SNTG1: variants seen among roughly 807,000 people sequenced by gnomAD.
SNTG1 encodes syntrophin gamma 1.
A neutral mutation model predicts 74.7 loss-of-function variants in SNTG1; 39 were observed. The ratio of observed to expected loss-of-function variants is 0.52; its 90% CI spans 0.40 to 0.68. The LOEUF is 0.68. Among genes scored for constraint, SNTG1 ranks in the 30% least tolerant of loss-of-function variants. SNTG1 has a pLI of 0.00. For synonymous variants in SNTG1, 254 were observed against 217.1 expected (o/e 1.17, Z -1.49); for missense variants, 685 against 609.5 (o/e 1.12, Z -1.30).
chr8:50,590,963 A>G lies in SNTG1; in HGVS notation c.849+46A>G, dbSNP rs749496402. ...GAAAGCTAAATAATATATTTCTTTAATTTTATTGATTATAGAAGATAACGT... is the reference window on the plus strand; with the variant it reads ...GAAAGCTAAATAATATATTTCTTTAGTTTTATTGATTATAGAAGATAACGT... On this transcript the variant is annotated intron_variant, in intron 13 of 18. Transcript: ENST00000642720. The G allele has an allele frequency of 3.7e-6, 5 of 1,334,652 alleles. No individual in the cohort carries two copies. The Admixed American group carries it at 9.5e-5, about 25-fold the overall frequency. The allele number at this position is 1,334,652 out of a possible 1,614,324, so 82.7% of individuals were successfully genotyped here.
chr8:50,500,931 A>T (rs901591036), intron 8 of SNTG1, among the ~76,000 whole-genome samples: 1 of 152,090 alleles, frequency 6.6e-6, no homozygotes, highest in African/African-American at 2.4e-5. Context: ...GGTACTCTCC[A>T]CTAGGATGGT....
chr8:50,641,542 TA>T (rs2095073111), intron 13 of SNTG1, among the ~76,000 whole-genome samples: 2 of 152,204 alleles, frequency 1.3e-5, no homozygotes, highest in Non-Finnish European at 2.9e-5. Flanking sequence ...AGAGCCTATT[TA>T]AAAGACAGGC....
intron 9 of SNTG1, among the ~76,000 whole-genome samples, chr8:50,518,595 G>C (rs1358287188): frequency 6.6e-6 from 1 of 151,982 alleles, no homozygotes; most frequent in Non-Finnish European, 1.5e-5. Context: ...GAATCAAATA[G>C]ACACAGTAAA....
chr8:50,734,310 G>T (rs914605835), intron 17 of SNTG1, among the ~76,000 whole-genome samples: 1 of 151,636 alleles, frequency 6.6e-6, no homozygotes, highest in African/African-American at 2.4e-5. Flanking sequence ...TATAGAGACT[G>T]ACATCTTCAG....
chr8:50,352,580 G>A (rs1226722693), intron 2 of SNTG1, among the ~76,000 whole-genome samples: 6 of 151,858 alleles, frequency 4.0e-5, no homozygotes, highest in African/African-American at 4.8e-5. Context: ...TAGTAGAGGC[G>A]GGTTTTCACC....
intron 2 of SNTG1, among the ~76,000 whole-genome samples, chr8:50,265,139 T>G (rs1044634645): frequency 6.6e-6 from 1 of 152,120 alleles, no homozygotes; most frequent in Non-Finnish European, 1.5e-5. Flanking sequence ...TGTGAGGTTA[T>G]TAATACCACA....
At chr8:50,412,913 C>G (rs2092967651) in intron 4 of SNTG1, among the ~76,000 whole-genome samples, 2 of 152,010 alleles carry the variant, frequency 1.3e-5, no homozygotes, top group African/African-American at 2.4e-5. Context: ...ATAAAGGGAG[C>G]AATTTAAGTA....
intron 18 of SNTG1, among the ~76,000 whole-genome samples, chr8:50,786,868 A>G (rs916836945): frequency 6.6e-6 from 1 of 152,142 alleles, no homozygotes; most frequent in South Asian, 2.1e-4. Context: ...TCTAAGAGCT[A>G]AAACTGTAAA....
At chr8:50,414,343 T>C (rs941979247) in intron 4 of SNTG1, among the ~76,000 whole-genome samples, 2 of 152,158 alleles carry the variant, frequency 1.3e-5, no homozygotes, top group East Asian at 1.9e-4. Context: ...ATCTCAGAAA[T>C]GGTTTTTAAT....
chr8:50,264,524 C>T (rs922285636), intron 2 of SNTG1, among the ~76,000 whole-genome samples: 2 of 150,878 alleles, frequency 1.3e-5, no homozygotes, highest in South Asian at 2.1e-4. Context: ...GAGCAGAGAT[C>T]GCACCACTGC....
intron 1 of SNTG1, among the ~76,000 whole-genome samples, chr8:50,028,404 A>G (rs1402768831): frequency 2.0e-5 from 3 of 152,170 alleles, no homozygotes; most frequent in African/African-American, 7.2e-5. Flanking sequence ...TATTGAAAAT[A>G]AAGCTATTAT....
intron 15 of SNTG1, among the ~76,000 whole-genome samples, chr8:50,692,114 A>C (rs2095383036): frequency 6.6e-6 from 1 of 151,548 alleles, no homozygotes; most frequent in African/African-American, 2.4e-5. Flanking sequence ...TTCTTTAAGG[A>C]CTTCTCTGCA....
intron 12 of SNTG1, among the ~76,000 whole-genome samples, chr8:50,555,205 C>G (rs1303995152): frequency 6.6e-6 from 1 of 152,124 alleles, no homozygotes; most frequent in East Asian, 1.9e-4. Flanking sequence ...ACTGTTTTAA[C>G]TGTTTGGAGA....
chr8:50,283,656 T>A (rs1232374777), intron 2 of SNTG1, among the ~76,000 whole-genome samples: 1 of 152,176 alleles, frequency 6.6e-6, no homozygotes, highest in Admixed American at 6.5e-5. Context: ...CCTGAGAAGT[T>A]CATCTTGAAT....
intron 1 of SNTG1, among the ~76,000 whole-genome samples, chr8:50,045,571 A>G (rs1819013496): frequency 6.6e-6 from 1 of 152,178 alleles, no homozygotes; most frequent in African/African-American, 2.4e-5. Flanking sequence ...AAACTTTATT[A>G]CTTAGGATTT....
intron 13 of SNTG1, among the ~76,000 whole-genome samples, chr8:50,648,859 GTTA>G (rs1365751305): frequency 2.6e-5 from 4 of 152,154 alleles, no homozygotes; most frequent in East Asian, 3.9e-4. Flanking sequence ...TCACTTAACT[GTTA>G]TCCTGAAAGG....
At chr8:50,598,278 A>G (rs2094745732) in intron 13 of SNTG1, among the ~76,000 whole-genome samples, 1 of 151,880 alleles carries the variant, frequency 6.6e-6, no homozygotes, top group Admixed American at 6.6e-5. Flanking sequence ...GTGTGGTGAG[A>G]GATAGGGGTC....
chr8:49,963,195 C>A (rs149497076), intron 1 of SNTG1, among the ~76,000 whole-genome samples: 2 of 152,270 alleles, frequency 1.3e-5, no homozygotes, highest in African/African-American at 4.8e-5. Flanking sequence ...TTAATCATAC[C>A]ACCTCCATAG....
At chr8:50,512,951 G>A (rs1585527834) in intron 9 of SNTG1, among the ~76,000 whole-genome samples, 1 of 152,220 alleles carries the variant, frequency 6.6e-6, no homozygotes, top group East Asian at 1.9e-4. Context: ...TTGTTCTGTT[G>A]CTTGTAAGGA....
Sources: allele counts gnomAD v4.1 joint callset (sites outside exome capture counted in the v4.1 genomes callset), GRCh38; gene constraint gnomAD v4.1.1; transcripts MANE v1.5; gene names NCBI Gene and HGNC (gene_info 2026-07-23, HGNC 2026-07-21).